TBL3: variants seen among roughly 807,000 people sequenced by gnomAD.
TBL3 encodes the protein transducin beta-like protein 3.
In TBL3, 71 loss-of-function variants were observed where a neutral mutation model predicts 102.7. That is an observed-to-expected ratio of 0.69 (90% CI 0.57 to 0.84). The LOEUF (loss-of-function observed/expected upper bound fraction) is 0.84, where lower values mean the gene tolerates loss of function less well. TBL3 is among the 40% of genes least tolerant of loss of function. The pLI is 0.00. For missense variants in TBL3, 1,188 were observed against 1,098.5 expected (o/e 1.08, Z -1.15); for synonymous variants, 578 against 477.7 (o/e 1.21, Z -2.74).
chr16:1,973,091 C>T (rs2083372553), intron 1 of TBL3, among the ~76,000 whole-genome samples: 1 of 152,082 alleles, frequency 6.6e-6, no homozygotes, highest in Non-Finnish European at 1.5e-5. Flanking sequence ...GGGGCTAACG[C>T]AGGGCAGTGA....
intron 1 of TBL3, among the ~76,000 whole-genome samples, chr16:1,972,856 C>A (rs2083370243): frequency 6.6e-6 from 1 of 152,134 alleles, no homozygotes; most frequent in South Asian, 2.1e-4. Flanking sequence ...GGGCCGCTTT[C>A]GTTTTGGCAG....
chr16:1,978,814 C>A lies in TBL3; in HGVS notation c.*129C>A. On this transcript the variant is annotated 3_prime_UTR_variant, in exon 22 of 22. Transcript: ENST00000568546. ...CTGGCCAACACCCTACCTAGCCAGC[C>A]AGAAGGGCACTGGAGCTGATGGTCT... 7.7e-7 allele frequency: 1 copy of A among 1,296,514 alleles called. No homozygotes were observed. Among genetic ancestry groups the A allele is most frequent in the Non-Finnish European group, 1.1e-6 (1 of 943,128 alleles). 80.3% of individuals were successfully genotyped at this position (1,296,514 alleles called of 1,614,324 possible).
At position 1,976,798 on chromosome 16, in the gene TBL3, T is replaced by G; in HGVS notation, c.1293-16T>G. 6.2e-7 allele frequency: 1 copy of G among 1,612,684 alleles called. No individual in the cohort carries two copies. The highest frequency in any genetic ancestry group is 8.5e-7 in the Non-Finnish European group (1 of 1,179,850). The stretch of plus-strand genomic sequence containing the variant: ...TGGGGCTCAGCTGTGTCTCCTCCTC[T>G]CCTGTTGGGTCACAGGCTGAAGGAG... On this transcript the variant is annotated splice_polypyrimidine_tract_variant and intron_variant, in intron 13 of 21. Coordinates refer to ENST00000568546, the MANE Select transcript of TBL3 (RefSeq NM_006453.3).
chr16:1,979,558 G>A lies in TBL3; in HGVS notation c.*873G>A. On this transcript the variant is annotated 3_prime_UTR_variant, in exon 22 of 22. Transcript: ENST00000568546. ...AACTGGGGACCTGGTGGGAGTGGGT[G>A]TTTGGAGTCACCGCGGGGCCACAGA... is the stretch of plus-strand genomic sequence containing the variant. The A allele has an allele frequency of 6.3e-7, 1 of 1,594,442 alleles. No individual in the cohort carries two copies. The highest frequency in any genetic ancestry group is 1.1e-5 in the South Asian group (1 of 89,704).
Position 1,975,640 on chromosome 16 carries a change from T to C in TBL3, c.917T>C (p.Val306Ala). 5.0e-6 allele frequency: 8 copies of C among 1,605,520 alleles called. No individual in the cohort carries two copies. Among genetic ancestry groups the C allele is most frequent in the Non-Finnish European group, 6.8e-6 (8 of 1,179,866 alleles). Residue 306 changes from valine (V) to alanine (A), a missense_variant, in exon 10 of 22, where the codon GTG becomes GCG. Transcript: ENST00000568546. ...TGCACCCTGGCACACACCGCCGGCG[T>C]GGTCCTCACCGCCACCGCCGACCAC... The part of the protein sequence containing the change: ...THCTLAHTAG[V>A]VLTATADHNL...
rs1371420112 is a variant in TBL3 at position 1,975,854 on chromosome 16, C to T, written c.1034C>T (p.Pro345Leu). Residue 345 changes from proline (P) to leucine (L), a missense_variant, in exon 11 of 22, where the codon CCC becomes CTC. Physicochemically the swap from Pro to Leu is moderately conservative, Grantham distance 98. Transcript: ENST00000568546. ...EEVLDVRFLGPEDSHVVVASN... is the reference protein window; with the variant it reads ...EEVLDVRFLGLEDSHVVVASN... ...GTTTTGGATGTCCGGTTTCTTGGGC[C>T]CGAGGACTCCCACGTTGTCGTGGCC... The T allele has an allele frequency of 8.1e-6, 13 of 1,614,050 alleles. No homozygotes were observed.
rs1167954530 is a variant in TBL3 at position 1,978,073 on chromosome 16, C to G, written c.2062+12C>G. 3 of 1,604,230 alleles carry G rather than the reference C, an allele frequency of 1.9e-6. 1 individual carries two copies. Among genetic ancestry groups the G allele is most frequent in the Non-Finnish European group, 2.6e-6 (3 of 1,174,792 alleles). On this transcript the variant is annotated intron_variant, in intron 19 of 21. Coordinates refer to ENST00000568546, the MANE Select transcript of TBL3 (RefSeq NM_006453.3). ...GACTGTCATCCAGGGTCAGTGCCCA[C>G]CCCGGGGGGCGAGGGGCTGGGTCTT...
Position 1,980,550 on chromosome 16 carries a change from G to A in TBL3, c.*1865G>A. On this transcript the variant is annotated 3_prime_UTR_variant, in exon 22 of 22. Coordinates refer to ENST00000568546, the MANE Select transcript of TBL3 (RefSeq NM_006453.3). The stretch of plus-strand genomic sequence containing the variant: ...GCGTCCCAACAGTGGTGCATCTTAA[G>A]GCACCACAAAAACGTACTGTGATAC... The A allele has an allele frequency of 6.2e-7, 1 of 1,600,474 alleles. No individual in the cohort carries two copies. Among genetic ancestry groups the A allele is most frequent in the Middle Eastern group, 1.7e-4 (1 of 6,034 alleles).
chr16:1,976,337 AG>A (rs1171203476), intron 13 of TBL3, 23 bp downstream of exon 13: 1 of 1,596,852 alleles, frequency 6.3e-7, no homozygotes, highest in Non-Finnish European at 8.5e-7. Flanking sequence ...GGCTGGGCCC[AG>A]GGGTGTCAGG....
In TBL3 at chr16:1,974,993, T is replaced by G; in HGVS notation, c.530T>G (p.Ile177Ser). The G allele has an allele frequency of 6.2e-7, 1 of 1,607,826 alleles. No homozygotes were observed. The highest frequency in any genetic ancestry group is 8.5e-7 in the Non-Finnish European group (1 of 1,179,962). Residue 177 changes from isoleucine (I) to serine (S), a missense_variant, in exon 7 of 22, where the codon ATC becomes AGC. Transcript: ENST00000568546. ...LLFSSATDAA[I>S]RVWSLQDRSC... ...TTCTCCTCGGCCACGGATGCCGCCA[T>G]CCGCGTGTGGTCACTGCAGGACCGG...
chr16:1,979,234 C>G lies in TBL3; in HGVS notation c.*549C>G, dbSNP rs2083442912. The G allele has an allele frequency of 6.6e-7, 1 of 1,506,802 alleles. No individual in the cohort carries two copies. The highest frequency in any genetic ancestry group is 8.8e-7 in the Non-Finnish European group (1 of 1,134,694). 93.3% of individuals were successfully genotyped at this position (1,506,802 alleles called of 1,614,324 possible). ...GTGGCCTGGGAGGGTTCAGGGAAGC[C>G]CCGGGCCTCACCCGCCGGGTCGTCT... On this transcript the variant is annotated 3_prime_UTR_variant, in exon 22 of 22. Transcript: ENST00000568546.
chr16:1,980,433 C>T lies in TBL3; in HGVS notation c.*1748C>T, dbSNP rs142083369. 1,141 of 1,602,232 alleles carry T rather than the reference C, an allele frequency of 7.1e-4. 1 individual carries two copies. The highest frequency in any genetic ancestry group is 8.2e-4 in the Non-Finnish European group (964 of 1,179,864). ...TGCGAAGAAGCCAGTGATCGTCGGG[C>T]TCCGTGCCACGCGCTCTGCAGTCGC... On this transcript the variant is annotated 3_prime_UTR_variant, in exon 22 of 22. Transcript: ENST00000568546.
rs2083416451 is a variant in TBL3 at position 1,977,811 on chromosome 16, G to A, written c.1958+11G>A. 6.4e-7 allele frequency: 1 copy of A among 1,556,956 alleles called. No homozygotes were observed. The highest frequency in any genetic ancestry group is 8.7e-7 in the Non-Finnish European group (1 of 1,150,192). On this transcript the variant is annotated intron_variant, in intron 18 of 21. Coordinates refer to ENST00000568546, the MANE Select transcript of TBL3 (RefSeq NM_006453.3). ...GGAGCAGGTGGTCAGGTAAGGCCAG[G>A]GCAGTGGCGCCCCTCCCCGCATCAG...
In TBL3 at chr16:1,978,650, A is replaced by AC. The variant is rs1436892192; in HGVS notation, c.2397dup (p.Trp800LeufsTer5). On this transcript the variant is annotated frameshift_variant, in exon 22 of 22. Transcript: ENST00000568546. LOFTEE classifies it low-confidence loss of function (END_TRUNC). The stretch of plus-strand genomic sequence containing the variant: ...GCTCCCTGTGCCGGCCGCCGCCCCC[A>AC]CCCCCTGGGAAACCCATAAAGGCGC... The AC allele has an allele frequency of 6.2e-7, 1 of 1,605,636 alleles. No individual in the cohort carries two copies. Among genetic ancestry groups the AC allele is most frequent in the Non-Finnish European group, 8.5e-7 (1 of 1,177,540 alleles).
Position 1,980,539 on chromosome 16 carries a change from G to A in TBL3, c.*1854G>A, listed in dbSNP as rs1384072360. 1 of 1,603,722 alleles carries A rather than the reference G, an allele frequency of 6.2e-7. No individual in the cohort carries two copies. Among genetic ancestry groups the A allele is most frequent in the Non-Finnish European group, 8.5e-7 (1 of 1,177,812 alleles). ...GTGCGCCCCACGCGTCCCAACAGTG[G>A]TGCATCTTAAGGCACCACAAAAACG... On this transcript the variant is annotated 3_prime_UTR_variant, in exon 22 of 22. Transcript: ENST00000568546.
Position 1,979,318 on chromosome 16 carries a change from C to T in TBL3, c.*633C>T. 6.4e-7 allele frequency: 1 copy of T among 1,573,890 alleles called. No individual in the cohort carries two copies. The highest frequency in any genetic ancestry group is 8.6e-7 in the Non-Finnish European group (1 of 1,167,384). ...CCCAGCCCTTCCGGCCGCAGCAGCA[C>T]CGCGGGGAGTAGGCCCGCCCGGTCG... On this transcript the variant is annotated 3_prime_UTR_variant, in exon 22 of 22. Transcript: ENST00000568546.
In TBL3 at chr16:1,972,085, A is replaced by G. The variant is rs1194484630; in HGVS notation, c.-80A>G. On this transcript the variant is annotated 5_prime_UTR_variant, in exon 1 of 22. Coordinates refer to ENST00000568546, the MANE Select transcript of TBL3 (RefSeq NM_006453.3). Reference sequence around the variant, plus strand: ...GCCGGGAGTGTGGCGTTCTGTGAAGAGTTCGGTGCTAACCTCCCTCACGCG... The same window carrying G: ...GCCGGGAGTGTGGCGTTCTGTGAAGGGTTCGGTGCTAACCTCCCTCACGCG... 3 of 1,384,632 alleles carry G rather than the reference A, an allele frequency of 2.2e-6. No homozygotes were observed. The highest frequency in any genetic ancestry group is 2.8e-6 in the Non-Finnish European group (3 of 1,056,908). The allele number at this position is 1,384,632 out of a possible 1,614,324, so 85.8% of individuals were successfully genotyped here.
intron 13 of TBL3, 43 bp downstream of exon 13, chr16:1,976,357 G>A: frequency 6.4e-7 from 1 of 1,558,016 alleles, no homozygotes; most frequent in Non-Finnish European, 8.8e-7. Flanking sequence ...GGGAGGTGGA[G>A]GCCCAGGCCT....
In TBL3 at chr16:1,978,225, G is replaced by A; in HGVS notation, c.2134+5G>A. 1 of 1,612,864 alleles carries A rather than the reference G, an allele frequency of 6.2e-7. No homozygotes were observed. Among genetic ancestry groups the A allele is most frequent in the Non-Finnish European group, 8.5e-7 (1 of 1,179,958 alleles). On this transcript the variant is annotated splice_donor_5th_base_variant and intron_variant, in intron 20 of 21. Coordinates refer to ENST00000568546, the MANE Select transcript of TBL3 (RefSeq NM_006453.3). Reference sequence around the variant, plus strand: ...GACTGCGGCGCGACCAGAAAGGTTGGCGGCCAGTCAGGGTGGGTGGCCCGG... The same window carrying A: ...GACTGCGGCGCGACCAGAAAGGTTGACGGCCAGTCAGGGTGGGTGGCCCGG...
Sources: allele counts gnomAD v4.1 joint callset (sites outside exome capture counted in the v4.1 genomes callset), GRCh38; gene constraint gnomAD v4.1.1; transcripts MANE v1.5; gene names NCBI Gene and HGNC (gene_info 2026-07-23, HGNC 2026-07-21).